PLXND1: variants seen among roughly 807,000 people sequenced by gnomAD.
PLXND1 encodes the protein plexin D1.
A neutral mutation model predicts 197.7 loss-of-function variants in PLXND1; 54 were observed. The observed-to-expected ratio is 0.27, with a 90% CI of 0.22 to 0.34. The LOEUF is 0.34. Among genes scored for constraint, PLXND1 ranks in the 10% least tolerant of loss-of-function variants. The probability of loss-of-function intolerance (pLI) is 1.00; values close to 1 mark genes in which losing one functional copy is unlikely to be tolerated. For synonymous variants in PLXND1, 1,180 were observed against 1,161.2 expected, an observed-to-expected ratio of 1.02 and a Z score of -0.33; for missense variants, 2,127 against 2,699.2, an observed-to-expected ratio of 0.79 and a Z score of 4.70.
rs781449018 is a variant in PLXND1, at chr3:129,605,824, C to T, written c.816G>A (p.Lys272=). ...DNILKIKQGA[K]EQHKLGFVSA... ...TCACGAAGCCCAGCTTGTGCTGCTC[C>T]TTGGCGCCCTGCTTGATCTTGAGGA... The change falls in exon 1 of 36, where the codon AAG becomes AAA. Residue 272 remains lysine (K), a synonymous_variant. Coordinates refer to ENST00000324093, the MANE Select transcript of PLXND1 (RefSeq NM_015103.3). 6.2e-7 allele frequency: 1 copy of T among 1,611,740 alleles called. No individual in the cohort carries two copies. Among genetic ancestry groups the T allele is most frequent in the Non-Finnish European group, 8.5e-7 (1 of 1,179,194 alleles).
chr3:129,588,713 G>A (rs2108794260), intron 2 of PLXND1, among the ~76,000 whole-genome samples: 1 of 152,380 alleles, frequency 6.6e-6, no homozygotes, highest in East Asian at 1.9e-4. Context: ...AGAGATGGCT[G>A]GGTTGGGGGC....
chr3:129,589,217 G>A (rs1651997424), intron 2 of PLXND1, 134 bp downstream of exon 2: 1 of 708,964 alleles, frequency 1.4e-6, no homozygotes, highest in African/African-American at 1.8e-5. Context: ...AAACTGTAAA[G>A]TGCTAGGCGA....
chr3:129,605,283 C>T (rs1449684625), intron 1 of PLXND1, 46 bp downstream of exon 1: 5 of 782,706 alleles, frequency 6.4e-6, no homozygotes, highest in Non-Finnish European at 8.5e-6. Flanking sequence ...CCGCCCCCGC[C>T]CCCGCCGCCG....
chr3:129,605,416 G>C lies in PLXND1; in HGVS notation c.1224C>G (p.Phe408Leu), dbSNP rs745859959. ...AAIRAARTACFVEPAPDVVAV... is the reference protein window; with the variant it reads ...AAIRAARTACLVEPAPDVVAV... ...CCACCACGTCGGGCGCCGGTTCCAC[G>C]AAGCAGGCGGTGCGCGCAGCTCGGA... Residue 408 changes from phenylalanine (F) to leucine (L), a missense_variant, in exon 1 of 36, where the codon TTC (phenylalanine) becomes TTG (leucine). Phe to Leu is a conservative substitution (Grantham distance 22). This residue lies in a region of PLXND1 where 1,095 missense variants were observed against 1,259.8 expected (regional missense o/e 0.87). Coordinates refer to ENST00000324093, the MANE Select transcript of PLXND1 (RefSeq NM_015103.3). 6.7e-7 allele frequency: 1 copy of C among 1,500,476 alleles called. No individual in the cohort carries two copies. The highest frequency in any genetic ancestry group is 1.2e-5 in the South Asian group (1 of 80,148). 92.9% of individuals were successfully genotyped at this position (1,500,476 alleles called of 1,614,324 possible). A position where few individuals can be genotyped will look rare whatever the true frequency, so the allele number is the denominator to read the frequency against.
At chr3:129,597,614 G>A (rs1255867419) in intron 1 of PLXND1, among the ~76,000 whole-genome samples, 1 of 152,246 alleles carries the variant, frequency 6.6e-6, no homozygotes, top group East Asian at 1.9e-4. Flanking sequence ...CAAGTTTCAG[G>A]GTAAAGGACG....
rs755580777 is a variant in PLXND1 at position 129,571,243 on chromosome 3, C to T, written c.3397G>A (p.Ala1133Thr). ...ATGAAGAAGTCCACTGGCGCTGATG[C>T]GTTGCTCAGGGCCCCGGGGGACGGG... Reference protein sequence around the residue: ...TCPSPGALSNASAPVDFFING... With the variant: ...TCPSPGALSNTSAPVDFFING... Residue 1133 changes from alanine to threonine, a missense_variant, in exon 18 of 36, where the codon GCA (alanine) becomes ACA (threonine). By Grantham distance (58) the Ala-to-Thr change is moderately conservative. Around this residue, in one of 6 missense-constraint regions of PLXND1, gnomAD observed 532 missense variants for 811.0 expected, o/e 0.66. Coordinates refer to ENST00000324093, the MANE Select transcript of PLXND1 (RefSeq NM_015103.3). 5 of 1,613,930 alleles carry T rather than the reference C, an allele frequency of 3.1e-6. No individual in the cohort carries two copies. The highest frequency in any genetic ancestry group is 1.1e-5 in the South Asian group (1 of 91,082).
Position 129,558,497 on chromosome 3 carries a change from G to C in PLXND1, c.5376C>G (p.Asp1792Glu). 6.2e-7 allele frequency: 1 copy of C among 1,613,968 alleles called. No individual in the cohort carries two copies. The highest frequency in any genetic ancestry group is 2.2e-5 in the East Asian group (1 of 44,876). The change falls in exon 33 of 36, where the codon GAC (aspartate) becomes GAG (glutamate). Residue 1792 changes from aspartate to glutamate, a missense_variant. Asp to Glu is a conservative substitution (Grantham distance 45). Transcript: ENST00000324093. The surrounding 1 kb of genome is among the most constrained non-coding windows in gnomAD (Gnocchi z 4.1). ...CCTGCGCGATGACTGAAAGGCAGGC[G>C]TCGATGTGGTCTGTCTTGTCGATGT... ...VFDIDKTDHI[D>E]ACLSVIAQAF...
chr3:129,564,879 C>T (rs2085114617), intron 25 of PLXND1, among the ~76,000 whole-genome samples: 1 of 152,248 alleles, frequency 6.6e-6, no homozygotes, highest in East Asian at 1.9e-4. Flanking sequence ...GGGTTGCCTG[C>T]TCCAGGAAGC....
chr3:129,569,237 T>TATAA (rs2085186404), intron 20 of PLXND1: 2 of 111,690 alleles, frequency 1.8e-5, no homozygotes, highest in Non-Finnish European at 3.7e-5. Flanking sequence ...TCCTGGTTAT[T>TATAA]ATAAATAATG....
Position 129,573,677 on chromosome 3 carries a change from C to T in PLXND1, c.2754G>A (p.Arg918=), listed in dbSNP as rs1578326145. 4.3e-6 allele frequency: 7 copies of T among 1,613,752 alleles called. No homozygotes were observed. The highest frequency in any genetic ancestry group is 1.3e-5 in the African/African-American group (1 of 75,052). The stretch of plus-strand genomic sequence containing the variant: ...CGCCGTGGGCCACGTCACTGAGCCG[C>T]CGGCCCAGGTTCCTTCCTCGGATGG... ...LLTIRGRNLG[R]RLSDVAHGVW... The change falls in exon 13 of 36, where the codon CGG becomes CGA. Residue 918 remains arginine (R), a synonymous_variant. Transcript: ENST00000324093.
intron 10 of PLXND1, 93 bp from the exon 11 acceptor site, chr3:129,575,655 G>T: frequency 1.6e-6 from 2 of 1,238,210 alleles, no homozygotes; most frequent in Non-Finnish European, 2.3e-6. Context: ...AGTTGGGGCT[G>T]CTGGGGATGG....
Position 129,555,716 on chromosome 3 carries a change from G to A in PLXND1, c.*596C>T, listed in dbSNP as rs1436064296. On this transcript the variant is annotated 3_prime_UTR_variant, in exon 36 of 36. Transcript: ENST00000324093. Reference sequence around the variant, plus strand: ...CCCTGCTCCTGGAGAAGCCCACAGAGCACCCCATGGCGCGGGCACTGCCCA... The same window carrying A: ...CCCTGCTCCTGGAGAAGCCCACAGAACACCCCATGGCGCGGGCACTGCCCA... 7.6e-6 allele frequency: 4 copies of A among 524,514 alleles called. No individual in the cohort carries two copies. In the African/African-American group the frequency reaches 8.0e-5, roughly 11 times the overall value. The allele number at this position is 524,514 out of a possible 1,614,324, so 32.5% of individuals were successfully genotyped here.
At chr3:129,560,580 G>A in intron 30 of PLXND1, 109 bp downstream of exon 30, 1 of 993,762 alleles carries the variant, frequency 1.0e-6, no homozygotes, top group Non-Finnish European at 1.6e-6. Context: ...CCACCCCCCA[G>A]CCTTTCGCAG....
intron 1 of PLXND1, among the ~76,000 whole-genome samples, chr3:129,594,997 C>A (rs2085599163): frequency 6.6e-6 from 1 of 152,196 alleles, no homozygotes; most frequent in Non-Finnish European, 1.5e-5. Flanking sequence ...CTCAATCTGG[C>A]CCTGACCTCT....
At chr3:129,597,680 C>G (rs1453726877) in intron 1 of PLXND1, among the ~76,000 whole-genome samples, 3 of 152,240 alleles carry the variant, frequency 2.0e-5, no homozygotes, top group Non-Finnish European at 4.4e-5. Flanking sequence ...TTGACTGCAT[C>G]GAGTATCAGC....
In PLXND1 at chr3:129,558,022, C is replaced by T. The variant is rs2084999801; in HGVS notation, c.5445+406G>A. 6.6e-6 allele frequency among the ~76,000 whole-genome samples: 1 copy of T among 152,232 alleles called. No homozygotes were observed. The highest frequency in any genetic ancestry group is 1.5e-5 in the Non-Finnish European group (1 of 68,042). On this transcript the variant is annotated intron_variant, in intron 33 of 35. Coordinates refer to ENST00000324093, the MANE Select transcript of PLXND1 (RefSeq NM_015103.3). This position sits in a 1 kb window ranked among gnomAD's most constrained non-coding sequence, Gnocchi z 4.1. The stretch of plus-strand genomic sequence containing the variant: ...CCACCCATCACCCCTCTGCCCACCC[C>T]TTCACTGAATGCTCGCTTGAATGGC...
intron 1 of PLXND1, among the ~76,000 whole-genome samples, chr3:129,595,921 G>GCACACACACA (rs57098603): frequency 0.2 from 29,419 of 146,276 alleles, 2,914 homozygotes; most frequent in South Asian, 0.23. Flanking sequence ...GTGCACGCAC[G>GCACACACACA]CACACACACA....
intron 17 of PLXND1, 89 bp downstream of exon 17, chr3:129,571,420 G>T: frequency 6.6e-7 from 1 of 1,518,022 alleles, no homozygotes; most frequent in East Asian, 2.3e-5. Context: ...AGAGGGGACA[G>T]AGATGCAGTG....
At chr3:129,567,344 A>T (rs1363922295) in intron 22 of PLXND1, 148 bp downstream of exon 22, 1 of 620,716 alleles carries the variant, frequency 1.6e-6, no homozygotes, top group Non-Finnish European at 2.9e-6. Context: ...TCCCCGTGGC[A>T]GGCCAGGGCA....
Sources: gnomAD v4.1 joint callset for allele counts (sites outside exome capture counted in the v4.1 genomes callset) on GRCh38, gnomAD v4.1.1 for gene constraint, gnomAD v4.1.1 regional missense constraint, Gnocchi (gnomAD v3.1) non-coding constraint, MANE v1.5 for transcripts, NCBI Gene and HGNC (gene_info 2026-07-23, HGNC 2026-07-21) for gene names.